The following AATK variants were observed in gnomAD, a reference collection of about 807,000 sequenced individuals.
The protein encoded by AATK is serine/threonine-protein kinase LMTK1.
In AATK, 91 loss-of-function variants were observed where a neutral mutation model predicts 114.3. The observed-to-expected ratio is 0.80, with a 90% CI of 0.67 to 0.95. AATK has a LOEUF of 0.95. Among genes scored for constraint, AATK ranks in the 40% least tolerant of loss-of-function variants. The pLI is 0.00. For missense variants in AATK, 2,176 were observed against 1,965.2 expected (o/e 1.11, Z -2.03); for synonymous variants, 1,075 against 916.5 (o/e 1.17, Z -3.12).
At chr17:81,150,701 G>A (rs1391836564) in intron 1 of AATK, among the ~76,000 whole-genome samples, 18 of 152,220 alleles carry the variant, frequency 1.2e-4, no homozygotes, top group Admixed American at 1.2e-3. Context: ...GGCACAAGGG[G>A]TGCTCAGCAG....
intron 1 of AATK, among the ~76,000 whole-genome samples, chr17:81,137,397 AG>A (rs1031392680): frequency 2.0e-5 from 3 of 151,960 alleles, no homozygotes; most frequent in Admixed American, 6.5e-5. Context: ...TGGGCAGAGG[AG>A]GGGGGGTTCC....
At chr17:81,130,860 T>C (rs1320756085) in intron 3 of AATK, among the ~76,000 whole-genome samples, 2 of 152,162 alleles carry the variant, frequency 1.3e-5, no homozygotes, top group African/African-American at 4.8e-5. Context: ...AAGAGGTACA[T>C]GCACCTTTGG....
chr17:81,155,596 G>C (rs925244514), intron 1 of AATK, among the ~76,000 whole-genome samples: 4 of 151,966 alleles, frequency 2.6e-5, no homozygotes, highest in African/African-American at 9.7e-5. Context: ...ATCTTGGCCA[G>C]GCTGGTCTCG....
At position 81,131,197 on chromosome 17, in the gene AATK, C is replaced by A; in HGVS notation, c.198G>T (p.Glu66Asp). The part of the protein sequence containing the change: ...KKGGIGFKEF[E>D]NAEGDEYAAD... The stretch of plus-strand genomic sequence containing the variant: ...CTGCGTACTCGTCCCCCTCCGCATT[C>A]TCAAACTCCTGCGGGCCGGGCCGGG... The change falls in exon 3 of 14, where the codon GAG becomes GAT. Residue 66 changes from glutamate (E) to aspartate (D), a missense_variant. Around this residue, in one of 4 missense-constraint regions of AATK, gnomAD observed 178 missense variants for 175.4 expected, o/e 1.01. Coordinates refer to ENST00000326724, the MANE Select transcript of AATK (RefSeq NM_001080395.3). 6.3e-7 allele frequency: 1 copy of A among 1,578,308 alleles called. No individual in the cohort carries two copies. Among genetic ancestry groups the A allele is most frequent in the East Asian group, 2.3e-5 (1 of 43,294 alleles).
chr17:81,130,038 G>A (rs1001366985), intron 3 of AATK, among the ~76,000 whole-genome samples: 3 of 152,352 alleles, frequency 2.0e-5, no homozygotes, highest in Non-Finnish European at 2.9e-5. Context: ...CTCAGCCCAC[G>A]ATGAAGGCTA....
chr17:81,136,665 T>C (rs1220558832), intron 1 of AATK, among the ~76,000 whole-genome samples: 2 of 152,190 alleles, frequency 1.3e-5, no homozygotes, highest in Non-Finnish European at 1.5e-5. Context: ...TGGGGGGTCA[T>C]TCAGCACCAC....
intron 1 of AATK, among the ~76,000 whole-genome samples, chr17:81,135,166 GC>G (rs1390897300): frequency 3.9e-5 from 6 of 152,316 alleles, no homozygotes; most frequent in Admixed American, 2.0e-4. Context: ...GGTCCATGGA[GC>G]CCCTCATCCC....
chr17:81,156,856 C>CCT (rs2061372925), intron 1 of AATK, among the ~76,000 whole-genome samples: 1 of 152,212 alleles, frequency 6.6e-6, no homozygotes, highest in Admixed American at 6.5e-5. Context: ...CCAGCAGACC[C>CCT]CTCCTCGGCC....
chr17:81,120,704 G>T lies in AATK; in HGVS notation c.3232C>A (p.Pro1078Thr). The change falls in exon 11 of 14, where the codon CCA (proline) becomes ACA (threonine). Residue 1078 changes from proline to threonine, a missense_variant. Pro to Thr is a conservative substitution (Grantham distance 38). Around this residue, in one of 4 missense-constraint regions of AATK, gnomAD observed 1,701 missense variants for 1,394.7 expected, o/e 1.22. Coordinates refer to ENST00000326724, the MANE Select transcript of AATK (RefSeq NM_001080395.3). Reference protein sequence around the residue: ...EPSTCPSGLVPEPPEPQGPAK... With the variant: ...EPSTCPSGLVTEPPEPQGPAK... ...GGGCCTTGGGGCTCCGGAGGCTCTG[G>T]GACCAGGCCCGAGGGGCAGGTGCTG... 6.5e-7 allele frequency: 1 copy of T among 1,532,612 alleles called. No homozygotes were observed. Among genetic ancestry groups the T allele is most frequent in the East Asian group, 2.3e-5 (1 of 42,916 alleles). The allele number at this position is 1,532,612 out of a possible 1,614,324, so 94.9% of individuals were successfully genotyped here. A position where few individuals can be genotyped will look rare whatever the true frequency, so the allele number is the denominator to read the frequency against.
intron 1 of AATK, chr17:81,160,397 G>A (rs1261030053): frequency 1.7e-5 from 4 of 239,004 alleles, no homozygotes; most frequent in East Asian, 4.1e-4. Flanking sequence ...CGAGGACGCC[G>A]CCTCCCGTGA....
At chr17:81,138,292 CAT>C (rs150945514) in intron 1 of AATK, among the ~76,000 whole-genome samples, 22,274 of 149,462 alleles carry the variant, frequency 0.15, 1,847 homozygotes, top group South Asian at 0.21. Flanking sequence ...CCCACCCACA[CAT>C]GTGCACACAT....
chr17:81,118,295 C>T lies in AATK; in HGVS notation c.*107G>A. On this transcript the variant is annotated 3_prime_UTR_variant, in exon 14 of 14. Transcript: ENST00000326724. ...GGGGCAGAGGCACCTGAATCTGCTG[C>T]CAACAGCCACCAGGACGTGGTCCCC... 8.1e-7 allele frequency: 1 copy of T among 1,230,658 alleles called. No homozygotes were observed. Among genetic ancestry groups the T allele is most frequent in the South Asian group, 1.4e-5 (1 of 72,134 alleles). The allele number at this position is 1,230,658 out of a possible 1,614,324, so 76.2% of individuals were successfully genotyped here.
intron 1 of AATK, among the ~76,000 whole-genome samples, chr17:81,138,506 GAC>G (rs1357415172): frequency 7.5e-6 from 1 of 133,840 alleles, no homozygotes; most frequent in African/African-American, 2.9e-5. Context: ...CCCTCGTGCA[GAC>G]ACAATGCACC....
In AATK at chr17:81,122,469, G is replaced by A. The variant is rs2060712364; in HGVS notation, c.1467C>T (p.Ala489=). The change falls in exon 11 of 14, where the codon GCC becomes GCT. Residue 489 remains alanine, a synonymous_variant. Transcript: ENST00000326724. ...GGCCAGGGCTCAGCGTGGCCGGGAAGGCCTCCGCGCCGCGGCCCGCCTCCC... is the reference window on the plus strand; with the variant it reads ...GGCCAGGGCTCAGCGTGGCCGGGAAAGCCTCCGCGCCGCGGCCCGCCTCCC... ...YKWEAGRGAE[A]FPATLSPGRT... 2.1e-6 allele frequency: 3 copies of A among 1,452,362 alleles called. No individual in the cohort carries two copies. The highest frequency in any genetic ancestry group is 1.8e-6 in the Non-Finnish European group (2 of 1,098,772). The allele number at this position is 1,452,362 out of a possible 1,614,324, so 90.0% of individuals were successfully genotyped here.
At position 81,122,065 on chromosome 17, in the gene AATK, G is replaced by C. The variant is rs531934171; in HGVS notation, c.1871C>G (p.Ala624Gly). 1.3e-6 allele frequency: 2 copies of C among 1,591,608 alleles called. No homozygotes were observed. Residue 624 changes from alanine to glycine, a missense_variant, in exon 11 of 14, where the codon GCG becomes GGG. Physicochemically the swap from Ala to Gly is moderately conservative, Grantham distance 60. Coordinates refer to ENST00000326724, the MANE Select transcript of AATK (RefSeq NM_001080395.3). ...GGCCACGCCCCAGTCTGCATCCTCC[G>C]CTCCTCCCTCCGCCAGACTCAGGGG... is the stretch of plus-strand genomic sequence containing the variant. ...AGPLSLAEGG[A>G]EDADWGVAAF...
intron 2 of AATK, chr17:81,132,947 G>A (rs998532541): frequency 7.5e-6 from 2 of 266,388 alleles, no homozygotes; most frequent in Non-Finnish European, 1.5e-5. Context: ...CCCCAAGGAG[G>A]GGCCACTTAT....
At chr17:81,156,257 C>T (rs1441111662) in intron 1 of AATK, among the ~76,000 whole-genome samples, 4 of 151,026 alleles carry the variant, frequency 2.6e-5, no homozygotes, top group South Asian at 2.1e-4. Flanking sequence ...TGTATGTTAC[C>T]ATGTTACAAT....
At chr17:81,146,697 T>C (rs1029531890) in intron 1 of AATK, among the ~76,000 whole-genome samples, 2 of 152,134 alleles carry the variant, frequency 1.3e-5, no homozygotes, top group African/African-American at 4.8e-5. Context: ...CCAGCCTGGA[T>C]GACAGAGCAA....
intron 9 of AATK, 92 bp from the exon 10 acceptor site, chr17:81,123,435 C>T (rs941159646): frequency 2.0e-5 from 23 of 1,167,442 alleles, no homozygotes; most frequent in South Asian, 1.7e-4. Flanking sequence ...GGGCAGCTCC[C>T]GCCATCACGC....
Sources: gnomAD v4.1 joint callset for allele counts (sites outside exome capture counted in the v4.1 genomes callset) on GRCh38, gnomAD v4.1.1 for gene constraint, gnomAD v4.1.1 regional missense constraint, MANE v1.5 for transcripts, NCBI Gene and HGNC (gene_info 2026-07-23, HGNC 2026-07-21) for gene names.